Variants in PCDHGB4 observed in about 807,000 individuals in gnomAD.
PCDHGB4 encodes the protein protocadherin gamma subfamily B, 4.
Under a neutral mutation model 60.5 loss-of-function variants are expected in PCDHGB4, and 38 were observed. The ratio of observed to expected loss-of-function variants is 0.63; its 90% CI spans 0.48 to 0.82. The LOEUF (loss-of-function observed/expected upper bound fraction) is 0.82, where lower values mean the gene tolerates loss of function less well. Ranked by LOEUF, PCDHGB4 falls within the 40% of genes least tolerant of loss-of-function variation. The pLI is 0.00. For missense variants in PCDHGB4, 1,109 were observed against 1,209.6 expected (o/e 0.92, Z 1.23); for synonymous variants, 456 against 509.7 (o/e 0.89, Z 1.42).
intron 1 of PCDHGB4, among the ~76,000 whole-genome samples, chr5:141,466,021 G>A (rs2099115061): frequency 6.6e-6 from 1 of 151,934 alleles, no homozygotes; most frequent in Admixed American, 6.6e-5. Flanking sequence ...ACTCGGGAGG[G>A]TGAGGCAGGA....
intron 1 of PCDHGB4, chr5:141,392,261 A>C (rs2150475228): frequency 6.6e-6 from 1 of 152,338 alleles, no homozygotes; most frequent in Admixed American, 6.5e-5. Flanking sequence ...TATTGGAGAC[A>C]TTTACAATAA....
Position 141,489,195 on chromosome 5 carries a change from A to G in PCDHGB4, c.2398-5612A>G, listed in dbSNP as rs200660227. ...ATTCCAAGCCCTGGGTCTACCTTGG[A>G]GACAGGACAGCACAGACTTACTCTC... is the stretch of plus-strand genomic sequence containing the variant. On this transcript the variant is annotated intron_variant, in intron 1 of 3. Transcript: ENST00000519479. This position sits in a 1 kb window ranked among gnomAD's most constrained non-coding sequence, Gnocchi z 4.5. 1.8e-5 allele frequency: 25 copies of G among 1,383,116 alleles called. No individual in the cohort carries two copies. The East Asian group carries it at 4.8e-4, about 27-fold the overall frequency. 85.7% of individuals were successfully genotyped at this position (1,383,116 alleles called of 1,614,324 possible). A position where few individuals can be genotyped will look rare whatever the true frequency, so the allele number is the denominator to read the frequency against.
chr5:141,417,285 A>C (rs913143514), intron 1 of PCDHGB4: 2 of 152,254 alleles, frequency 1.3e-5, no homozygotes, highest in African/African-American at 4.8e-5. Flanking sequence ...AAGGAACAAG[A>C]ATGACTGCCT....
At position 141,408,680 on chromosome 5, in the gene PCDHGB4, C is replaced by G. The variant is rs774572788; in HGVS notation, c.2397+18399C>G. 1.5e-4 allele frequency: 245 copies of G among 1,613,812 alleles called. No homozygotes were observed. Among genetic ancestry groups the G allele is most frequent in the Non-Finnish European group, 1.9e-4 (222 of 1,179,872 alleles). On this transcript the variant is annotated intron_variant, in intron 1 of 3. Coordinates refer to ENST00000519479, the MANE Select transcript of PCDHGB4 (RefSeq NM_003736.4). ...ACTATCGCTTGACCCTGCCACGGAT[C>G]CTGATATAAACATAAACTCAATTAA...
chr5:141,451,813 G>A (rs921877961), intron 1 of PCDHGB4, among the ~76,000 whole-genome samples: 13 of 150,788 alleles, frequency 8.6e-5, no homozygotes, highest in East Asian at 2.0e-4. Context: ...CCCAGGAGGC[G>A]GAGGTTACAG....
intron 1 of PCDHGB4, chr5:141,478,272 A>G: frequency 6.2e-7 from 1 of 1,614,160 alleles, no homozygotes; most frequent in Non-Finnish European, 8.5e-7. Context: ...AAAGTTTACA[A>G]GTGGAAGCAG....
At chr5:141,459,632 A>G (rs1202000974) in intron 1 of PCDHGB4, among the ~76,000 whole-genome samples, 1 of 152,214 alleles carries the variant, frequency 6.6e-6, no homozygotes, top group East Asian at 1.9e-4. Flanking sequence ...AAGCTGCCAA[A>G]CTATTTTTCA....
rs2097372368 is a variant in PCDHGB4 at position 141,431,422 on chromosome 5, G to A, written c.2397+41141G>A. On this transcript the variant is annotated intron_variant, in intron 1 of 3. Coordinates refer to ENST00000519479, the MANE Select transcript of PCDHGB4 (RefSeq NM_003736.4). This position sits in a 1 kb window ranked among gnomAD's most constrained non-coding sequence, Gnocchi z 4.8. ...CGGCCTCCGACGGGGGCGACCCGGTGCGCACAGGCACCGCGCGCATCCGCG... is the reference window on the plus strand; with the variant it reads ...CGGCCTCCGACGGGGGCGACCCGGTACGCACAGGCACCGCGCGCATCCGCG... 6.2e-7 allele frequency: 1 copy of A among 1,613,710 alleles called. No individual in the cohort carries two copies. The highest frequency in any genetic ancestry group is 2.2e-5 in the East Asian group (1 of 44,882).
At chr5:141,453,288 A>T (rs931678565) in intron 1 of PCDHGB4, among the ~76,000 whole-genome samples, 18 of 151,342 alleles carry the variant, frequency 1.2e-4, no homozygotes, top group Admixed American at 3.3e-4. Context: ...TAATTTTTTA[A>T]TTATTTATTT....
Position 141,485,605 on chromosome 5 carries a change from G to A in PCDHGB4, c.2398-9202G>A. On this transcript the variant is annotated intron_variant, in intron 1 of 3. Transcript: ENST00000519479. This position sits in a 1 kb window ranked among gnomAD's most constrained non-coding sequence, Gnocchi z 5.7. The stretch of plus-strand genomic sequence containing the variant: ...AGCAGCTGGACTTGGAAATTGGGGA[G>A]GCAGCTCCTCCAGGACAGCGTTTCC... 6.2e-7 allele frequency: 1 copy of A among 1,612,448 alleles called. No homozygotes were observed. Among genetic ancestry groups the A allele is most frequent in the Non-Finnish European group, 8.5e-7 (1 of 1,178,750 alleles).
In PCDHGB4 at chr5:141,413,469, G is replaced by A. The variant is rs766765319; in HGVS notation, c.2397+23188G>A. 5 of 1,614,012 alleles carry A rather than the reference G, an allele frequency of 3.1e-6. No individual in the cohort carries two copies. The African/African-American group carries it at 5.3e-5, about 17-fold the overall frequency. On this transcript the variant is annotated intron_variant, in intron 1 of 3. Transcript: ENST00000519479. ...CCGCGGGCAGGATAGACCGGGAGGA[G>A]CTCTGCGCTCAGAGCGCGCGGTGCG...
Position 141,476,908 on chromosome 5 carries a change from A to T in PCDHGB4, c.2398-17899A>T. ...ATGCACCCTCCGGCACGCGCGTGGT[A>T]CAAGTCCTTGCAACGGATCTGGATG... is the stretch of plus-strand genomic sequence containing the variant. On this transcript the variant is annotated intron_variant, in intron 1 of 3. Coordinates refer to ENST00000519479, the MANE Select transcript of PCDHGB4 (RefSeq NM_003736.4). This position sits in a 1 kb window ranked among gnomAD's most constrained non-coding sequence, Gnocchi z 7.6. The T allele has an allele frequency of 1.2e-6, 2 of 1,614,050 alleles. No individual in the cohort carries two copies. The highest frequency in any genetic ancestry group is 1.7e-6 in the Non-Finnish European group (2 of 1,180,038).
chr5:141,433,408 A>ATCTATCT (rs1413347413), intron 1 of PCDHGB4, among the ~76,000 whole-genome samples: 44 of 127,346 alleles, frequency 3.5e-4, no homozygotes, highest in African/African-American at 1.2e-3. Context: ...TCTATCTATT[A>ATCTATCT]CTTTCTTGTA....
chr5:141,449,830 T>G (rs1316368063), intron 1 of PCDHGB4, among the ~76,000 whole-genome samples: 1 of 151,724 alleles, frequency 6.6e-6, no homozygotes, highest in Non-Finnish European at 1.5e-5. Flanking sequence ...AAGGACATTC[T>G]TTTATATAAT....
At chr5:141,415,293 C>T in intron 1 of PCDHGB4, 1 of 1,614,192 alleles carries the variant, frequency 6.2e-7, no homozygotes, top group Non-Finnish European at 8.5e-7. Flanking sequence ...CGGTCTCCTG[C>T]GTCTTCCTGG....
intron 1 of PCDHGB4, chr5:141,409,411 AC>A (rs1172458730): frequency 6.2e-7 from 1 of 1,614,004 alleles, no homozygotes; most frequent in African/African-American, 1.3e-5. Flanking sequence ...ACTACTACAA[AC>A]TGGTGACAGA....
chr5:141,413,863 G>T, intron 1 of PCDHGB4: 1 of 1,613,356 alleles, frequency 6.2e-7, no homozygotes, highest in Non-Finnish European at 8.5e-7. Flanking sequence ...ATCTGGCACT[G>T]TCCTTGTCAG....
intron 1 of PCDHGB4, chr5:141,475,848 C>T (rs1562050268): frequency 4.4e-6 from 2 of 451,496 alleles, no homozygotes; most frequent in Non-Finnish European, 7.9e-6. Context: ...TCAGAGAGCC[C>T]GGCGCTAGCT....
chr5:141,443,788 A>C (rs1468852602), intron 1 of PCDHGB4, among the ~76,000 whole-genome samples: 2 of 152,224 alleles, frequency 1.3e-5, no homozygotes, highest in African/African-American at 4.8e-5. Context: ...AGACAAAAAA[A>C]ATGAAAAGGA....
Sources: gnomAD v4.1 joint callset for allele counts (sites outside exome capture counted in the v4.1 genomes callset) on GRCh38, gnomAD v4.1.1 for gene constraint, Gnocchi (gnomAD v3.1) non-coding constraint, MANE v1.5 for transcripts, NCBI Gene and HGNC (gene_info 2026-07-23, HGNC 2026-07-21) for gene names.